INPP5A: variants seen among roughly 807,000 people sequenced by gnomAD.
INPP5A encodes the protein inositol polyphosphate-5-phosphatase A.
In INPP5A, 14 loss-of-function variants were observed where a neutral mutation model predicts 65.2. The observed-to-expected ratio is 0.21, with a 90% CI of 0.14 to 0.34. The LOEUF (loss-of-function observed/expected upper bound fraction) is 0.34, where lower values mean the gene tolerates loss of function less well. INPP5A is among the 10% of genes least tolerant of loss of function. INPP5A has a pLI of 1.00. For missense variants in INPP5A, 431 were observed against 545.6 expected (o/e 0.79, Z 2.09); for synonymous variants, 207 against 208.3 (o/e 0.99, Z 0.05).
chr10:132,774,249 C>A (rs1847005527), intron 12 of INPP5A, among the ~76,000 whole-genome samples: 1 of 152,206 alleles, frequency 6.6e-6, no homozygotes, highest in Non-Finnish European at 1.5e-5. Context: ...TGCCTGCAGG[C>A]TGCACGGGAA....
intron 12 of INPP5A, among the ~76,000 whole-genome samples, chr10:132,770,779 G>A (rs1264706301): frequency 3.3e-5 from 5 of 152,256 alleles, no homozygotes; most frequent in Admixed American, 1.3e-4. Context: ...CCGCCAGGGC[G>A]TGATCTGGGA....
At chr10:132,636,582 C>T (rs1347683705) in intron 2 of INPP5A, among the ~76,000 whole-genome samples, 5 of 152,226 alleles carry the variant, frequency 3.3e-5, no homozygotes, top group Non-Finnish European at 5.9e-5. Context: ...CGCACAGCCA[C>T]CCCCAGTCGC....
chr10:132,656,251 G>A (rs538005561), intron 4 of INPP5A, among the ~76,000 whole-genome samples: 1 of 152,368 alleles, frequency 6.6e-6, no homozygotes, highest in African/African-American at 2.4e-5. Context: ...TGGCAGTGGG[G>A]TCAGGGTGTG....
At chr10:132,636,692 G>T (rs746292639) in intron 2 of INPP5A, among the ~76,000 whole-genome samples, 4 of 152,170 alleles carry the variant, frequency 2.6e-5, no homozygotes, top group Non-Finnish European at 5.9e-5. Flanking sequence ...TGCCTTCCTG[G>T]ATTCCTCAGA....
chr10:132,768,196 C>T (rs527242352), intron 12 of INPP5A, among the ~76,000 whole-genome samples: 1 of 145,040 alleles, frequency 6.9e-6, no homozygotes, highest in South Asian at 2.2e-4. Flanking sequence ...CCCATGTGCC[C>T]AGTGGCATTC....
intron 1 of INPP5A, among the ~76,000 whole-genome samples, chr10:132,553,011 T>C (rs1285882589): frequency 8.1e-6 from 1 of 124,010 alleles, no homozygotes; most frequent in Non-Finnish European, 1.7e-5. Context: ...TGTGGAATAT[T>C]GGGTAGGATA....
Position 132,708,340 on chromosome 10 carries a change from C to G in INPP5A, c.502C>G (p.Arg168Gly). ...ECKWSRKGFI[R>G]TRWCIADCAF... is the part of the protein sequence containing the mutation. ...CAAATGGTCAAGAAAAGGCTTCATC[C>G]GGACGAGGTGGTGCATTGCAGACTG... The change falls in exon 7 of 16, where the codon CGG (arginine) becomes GGG (glycine). Residue 168 changes from arginine to glycine, a missense_variant. Coordinates refer to ENST00000368594, the MANE Select transcript of INPP5A (RefSeq NM_005539.5). The G allele has an allele frequency of 6.2e-7, 1 of 1,614,114 alleles. No individual in the cohort carries two copies. Among genetic ancestry groups the G allele is most frequent in the Non-Finnish European group, 8.5e-7 (1 of 1,179,986 alleles).
At chr10:132,612,163 C>T (rs925416279) in intron 2 of INPP5A, among the ~76,000 whole-genome samples, 1 of 135,486 alleles carries the variant, frequency 7.4e-6, no homozygotes, top group Non-Finnish European at 1.5e-5. Flanking sequence ...TGGGAGAGGC[C>T]CTGTCAGAGA....
In INPP5A at chr10:132,634,236, G is replaced by A. The variant is rs962799730; in HGVS notation, c.118-11632G>A. On this transcript the variant is annotated intron_variant, in intron 2 of 15. Transcript: ENST00000368594. Reference sequence around the variant, plus strand: ...GAGTGCCATCTCCCTTGGCGGGTGTGCCCCGGAGAGGCGTGTCATCTCCCT... The same window carrying A: ...GAGTGCCATCTCCCTTGGCGGGTGTACCCCGGAGAGGCGTGTCATCTCCCT... 3.0e-4 allele frequency among the ~76,000 whole-genome samples: 45 copies of A among 151,948 alleles called. 1 individual carries two copies. The highest frequency in any genetic ancestry group is 1.0e-4 in the Non-Finnish European group (7 of 68,038).
chr10:132,619,849 G>A (rs2072087958), intron 2 of INPP5A, among the ~76,000 whole-genome samples: 1 of 152,222 alleles, frequency 6.6e-6, no homozygotes, highest in African/African-American at 2.4e-5. Context: ...AGTAGAGACA[G>A]GGTTTCACCA....
At chr10:132,765,903 TC>T (rs1846833755) in intron 12 of INPP5A, 57 bp downstream of exon 12, 1 of 986,144 alleles carries the variant, frequency 1.0e-6, no homozygotes, top group Non-Finnish European at 1.6e-6. Flanking sequence ...GTCTCCACCC[TC>T]CCAGTCTCTG....
At chr10:132,646,800 C>T (rs923260133) in intron 3 of INPP5A, among the ~76,000 whole-genome samples, 7 of 152,202 alleles carry the variant, frequency 4.6e-5, no homozygotes, top group Non-Finnish European at 1.0e-4. Context: ...TGTGGGCCGA[C>T]GCCGCTGCCA....
At chr10:132,700,200 G>A (rs1325489693) in intron 6 of INPP5A, among the ~76,000 whole-genome samples, 4 of 152,256 alleles carry the variant, frequency 2.6e-5, no homozygotes, top group Non-Finnish European at 2.9e-5. Flanking sequence ...GAAAGTAGAC[G>A]ATTCCTGGGA....
chr10:132,666,991 C>T (rs2072813213), intron 4 of INPP5A, among the ~76,000 whole-genome samples: 1 of 152,178 alleles, frequency 6.6e-6, no homozygotes, highest in Non-Finnish European at 1.5e-5. Context: ...CCCCCAACCC[C>T]CTCTGCCACC....
intron 12 of INPP5A, among the ~76,000 whole-genome samples, chr10:132,773,268 C>T (rs540998929): frequency 7.2e-5 from 11 of 152,338 alleles, no homozygotes; most frequent in Admixed American, 2.0e-4. Flanking sequence ...AGAGCAGGTC[C>T]AGTGGGAAAA....
intron 1 of INPP5A, among the ~76,000 whole-genome samples, chr10:132,576,826 G>A (rs1041307797): frequency 9.8e-5 from 15 of 152,306 alleles, no homozygotes; most frequent in Middle Eastern, 3.4e-3. Context: ...ATGGGGAGCC[G>A]AGGGTCGCAC....
At chr10:132,596,824 TTTGC>T (rs1354067475) in intron 1 of INPP5A, among the ~76,000 whole-genome samples, 5 of 151,114 alleles carry the variant, frequency 3.3e-5, no homozygotes, top group African/African-American at 4.9e-5. Flanking sequence ...TGTCCATGTG[TTTGC>T]TTGTGTGCGT....
At chr10:132,638,253 G>A (rs951185438) in intron 2 of INPP5A, among the ~76,000 whole-genome samples, 9 of 152,180 alleles carry the variant, frequency 5.9e-5, no homozygotes, top group African/African-American at 2.2e-4. Flanking sequence ...TGTCCTGCTA[G>A]GCTGGGCCTC....
chr10:132,749,608 G>A lies in INPP5A; in HGVS notation c.824G>A (p.Arg275Gln), dbSNP rs372793753. Residue 275 changes from arginine (R) to glutamine (Q), a missense_variant, in exon 10 of 16, where the codon CGG (arginine) becomes CAG (glutamine). Physicochemically the swap from Arg to Gln is conservative, Grantham distance 43. Transcript: ENST00000368594. The stretch of plus-strand genomic sequence containing the variant: ...ATATTTCGTGAGTCGGACAACGACC[G>A]GAAGGTGAGCGGGGCCTGTGACTGG... ...KLIFRESDND[R>Q]KVMLQLEKKL... 1.2e-5 allele frequency: 19 copies of A among 1,612,748 alleles called. No homozygotes were observed. The highest frequency in any genetic ancestry group is 3.3e-5 in the Admixed American group (2 of 60,000).
Sources: gnomAD v4.1 joint callset for allele counts (sites outside exome capture counted in the v4.1 genomes callset) on GRCh38, gnomAD v4.1.1 for gene constraint, MANE v1.5 for transcripts, NCBI Gene and HGNC (gene_info 2026-07-23, HGNC 2026-07-21) for gene names.